Variants in SOX6 observed in about 807,000 individuals in gnomAD.
The protein encoded by SOX6 is SRY-box transcription factor 6.
SOX6 carries 11 observed loss-of-function variants against 97.8 expected under a neutral mutation model. That is an observed-to-expected ratio of 0.11 (90% CI 0.07 to 0.19). The LOEUF (loss-of-function observed/expected upper bound fraction) is 0.19. Ranked by LOEUF, SOX6 falls within the 10% of genes least tolerant of loss-of-function variation. The pLI, the probability that SOX6 is intolerant of heterozygous loss-of-function variation, is 1.00. For synonymous variants in SOX6, 360 were observed against 371.4 expected (o/e 0.97, Z 0.35); for missense variants, 810 against 1,039.5 (o/e 0.78, Z 3.04).
chr11:16,705,635 A>T (rs571101119), intron 3 of SOX6, among the ~76,000 whole-genome samples: 2,063 of 111,884 alleles, frequency 0.018, 17 homozygotes, highest in Middle Eastern at 0.037. Context: ...TCTAGGGGGA[A>T]AAAAAACTAT....
At chr11:16,167,918 T>G (rs1031859147) in intron 6 of SOX6, among the ~76,000 whole-genome samples, 3 of 152,196 alleles carry the variant, frequency 2.0e-5, no homozygotes, top group African/African-American at 7.2e-5. Flanking sequence ...GAATGTAAAC[T>G]TAGCAGAGCA....
At chr11:16,500,220 C>A (rs913607034) in intron 4 of SOX6, among the ~76,000 whole-genome samples, 1 of 152,044 alleles carries the variant, frequency 6.6e-6, no homozygotes, top group East Asian at 1.9e-4. Flanking sequence ...CAAATGATTA[C>A]CTCAATAGAT....
intron 12 of SOX6, among the ~76,000 whole-genome samples, chr11:16,030,755 C>T (rs1855350434): frequency 6.6e-6 from 1 of 152,092 alleles, no homozygotes; most frequent in Non-Finnish European, 1.5e-5. Context: ...TTGAAATAGA[C>T]TTCACTTCCT....
intron 3 of SOX6, among the ~76,000 whole-genome samples, chr11:16,654,174 A>G (rs1305212095): frequency 6.6e-6 from 1 of 151,948 alleles, no homozygotes; most frequent in Non-Finnish European, 1.5e-5. Context: ...CTCTTTTTTT[A>G]TTTAGAGACA....
chr11:16,038,324 T>C (rs932186095), intron 12 of SOX6, among the ~76,000 whole-genome samples: 2 of 152,212 alleles, frequency 1.3e-5, no homozygotes, highest in Admixed American at 6.5e-5. Flanking sequence ...ATAGAAACTA[T>C]GCAAATTAAT....
At position 16,475,476 on chromosome 11, in the gene SOX6, C is replaced by A. The variant is rs574834578; in HGVS notation, c.-5+839G>T. ...TTGGCCCAATTTCAATATTGTTGTGCCTCAGAGAACAGGGTGGCTCAAGGA... is the reference window on the plus strand; with the variant it reads ...TTGGCCCAATTTCAATATTGTTGTGACTCAGAGAACAGGGTGGCTCAAGGA... On this transcript the variant is annotated intron_variant, in intron 1 of 15. Coordinates refer to the SOX6 transcript ENST00000396356. Among the ~76,000 whole-genome samples the A allele has an allele frequency of 9.9e-5, 15 of 152,158 alleles. No individual in the cohort carries two copies. The Middle Eastern group carries it at 0.014, about 138-fold the overall frequency.
chr11:16,401,129 T>C (rs572209258), intron 1 of SOX6, among the ~76,000 whole-genome samples: 2 of 151,660 alleles, frequency 1.3e-5, no homozygotes, highest in African/African-American at 2.4e-5. Flanking sequence ...TTTCTACAAA[T>C]ACAAAAACTA....
chr11:16,696,226 G>A (rs921257985), intron 3 of SOX6, among the ~76,000 whole-genome samples: 2 of 152,116 alleles, frequency 1.3e-5, no homozygotes, highest in Non-Finnish European at 2.9e-5. Context: ...TCAACAAATG[G>A]TAATGACAAG....
rs116148867 is a variant in SOX6, at chr11:16,400,610, A to G, written c.-4-59358T>C. Among the ~76,000 whole-genome samples, 387 of 151,598 alleles carry G rather than the reference A, an allele frequency of 2.6e-3. 1 individual carries two copies. The highest frequency in any genetic ancestry group is 8.9e-3 in the African/African-American group (368 of 41,476). On this transcript the variant is annotated intron_variant, in intron 1 of 15. Coordinates refer to the SOX6 transcript ENST00000396356. ...ACTATTAACATAAAAAAATCAATAAAGTGAGTTTTTAGATACAAAAATGTA... is the reference window on the plus strand; with the variant it reads ...ACTATTAACATAAAAAAATCAATAAGGTGAGTTTTTAGATACAAAAATGTA...
chr11:16,559,475 C>T (rs1360704097), intron 4 of SOX6, among the ~76,000 whole-genome samples: 2 of 152,052 alleles, frequency 1.3e-5, no homozygotes, highest in Non-Finnish European at 2.9e-5. Flanking sequence ...AACCAGTGAC[C>T]TTTGATTGGA....
At chr11:16,525,888 C>T (rs1007043243) in intron 4 of SOX6, among the ~76,000 whole-genome samples, 2 of 152,046 alleles carry the variant, frequency 1.3e-5, no homozygotes, top group Admixed American at 6.6e-5. Flanking sequence ...AAAAAATGCT[C>T]ATAATCACTG....
At chr11:16,194,073 C>T (rs1851704767) in intron 4 of SOX6, among the ~76,000 whole-genome samples, 4 of 152,166 alleles carry the variant, frequency 2.6e-5, no homozygotes, top group Non-Finnish European at 5.9e-5. Flanking sequence ...GCTGAAGAGA[C>T]TAACAATCTA....
chr11:16,644,049 A>C lies in SOX6; in HGVS notation n.430-31789T>G, dbSNP rs1848969320. Among the ~76,000 whole-genome samples, 3 of 152,030 alleles carry C rather than the reference A, an allele frequency of 2.0e-5. No individual in the cohort carries two copies. The South Asian group carries it at 6.2e-4, about 32-fold the overall frequency. ...AGCTGTTCCTATTCGGCCATCTTGG[A>C]ACCACCACTGACATAGGGTCTCATT... On this transcript the variant is annotated intron_variant and non_coding_transcript_variant, in intron 3 of 5. Coordinates refer to the SOX6 transcript ENST00000524520.
At chr11:16,458,077 C>A (rs1019719037) in intron 1 of SOX6, among the ~76,000 whole-genome samples, 5 of 151,962 alleles carry the variant, frequency 3.3e-5, no homozygotes, top group Non-Finnish European at 7.4e-5. Flanking sequence ...TCTCATGTTG[C>A]TCTCTGGTGC....
At chr11:16,325,062 G>T (rs976484341) in intron 2 of SOX6, among the ~76,000 whole-genome samples, 10 of 152,076 alleles carry the variant, frequency 6.6e-5, no homozygotes, top group African/African-American at 2.2e-4. Context: ...ACAATAAAAT[G>T]TTAATGGCCC....
intron 3 of SOX6, among the ~76,000 whole-genome samples, chr11:16,679,074 A>G (rs954616595): frequency 1.3e-5 from 2 of 152,182 alleles, no homozygotes; most frequent in Non-Finnish European, 2.9e-5. Context: ...TTAGACTTAA[A>G]TGTCCCTGTA....
At chr11:16,473,386 A>T (rs1376137231) in intron 1 of SOX6, among the ~76,000 whole-genome samples, 4 of 152,156 alleles carry the variant, frequency 2.6e-5, no homozygotes, top group African/African-American at 9.7e-5. Context: ...CAATGTATAT[A>T]CCTCAATTAA....
At chr11:15,982,157 T>C (rs1462219752) in intron 15 of SOX6, among the ~76,000 whole-genome samples, 1 of 152,098 alleles carries the variant, frequency 6.6e-6, no homozygotes, top group East Asian at 1.9e-4. Flanking sequence ...GTGTGTAATG[T>C]CGTGTCCTTA....
intron 1 of SOX6, among the ~76,000 whole-genome samples, chr11:16,387,869 G>T (rs1858038605): frequency 6.6e-6 from 1 of 151,958 alleles, no homozygotes; most frequent in South Asian, 2.1e-4. Context: ...AATCATCCTT[G>T]TATCACATGA....
Sources: gnomAD v4.1 joint callset for allele counts (sites outside exome capture counted in the v4.1 genomes callset) on GRCh38, gnomAD v4.1.1 for gene constraint, MANE v1.5 for transcripts, NCBI Gene and HGNC (gene_info 2026-07-23, HGNC 2026-07-21) for gene names.